CBX5: variants seen among roughly 807,000 people sequenced by gnomAD.
The protein encoded by CBX5 is chromobox 5.
A neutral mutation model predicts 20.7 loss-of-function variants in CBX5; 7 were observed. The ratio of observed to expected loss-of-function variants is 0.34; its 90% confidence interval spans 0.19 to 0.63. The LOEUF (loss-of-function observed/expected upper bound fraction) is 0.63, where lower values mean the gene tolerates loss of function less well. Ranked by LOEUF, CBX5 falls within the 30% of genes least tolerant of loss-of-function variation. CBX5 has a pLI of 0.75. For missense variants in CBX5, 110 were observed against 224.1 expected, an observed-to-expected ratio of 0.49 and a Z score of 3.25; for synonymous variants, 78 against 77.0, an observed-to-expected ratio of 1.01 and a Z score of -0.07.
intron 1 of CBX5, among the ~76,000 whole-genome samples, chr12:54,269,263 AAAAT>A (rs755257707): frequency 3.1e-4 from 47 of 152,158 alleles, no homozygotes; most frequent in Admixed American, 1.9e-3. Context: ...GATCCTTCTC[AAAAT>A]AAATAAATAA....
At chr12:54,243,037 T>C (rs911865812) in intron 4 of CBX5, among the ~76,000 whole-genome samples, 1 of 151,680 alleles carries the variant, frequency 6.6e-6, no homozygotes, top group Non-Finnish European at 1.5e-5. Flanking sequence ...GGTGGGAGGA[T>C]CACTTGGGCT....
At chr12:54,269,313 G>T (rs1476099832) in intron 1 of CBX5, among the ~76,000 whole-genome samples, 1 of 152,138 alleles carries the variant, frequency 6.6e-6, no homozygotes, top group Admixed American at 6.6e-5. Flanking sequence ...CTGTTTTCTG[G>T]AAGAGTTTGT....
In CBX5 at chr12:54,251,242, C is replaced by T. The variant is rs188886551; in HGVS notation, c.324+799G>A. On this transcript the variant is annotated intron_variant, in intron 3 of 4. Coordinates refer to ENST00000209875, the MANE Select transcript of CBX5 (RefSeq NM_012117.3). Reference sequence around the variant, plus strand: ...TTGGGAGGCCAAGGCAGGCGGATCACGAGGTCAGGAGTTCAAGACCAGCCT... The same window carrying T: ...TTGGGAGGCCAAGGCAGGCGGATCATGAGGTCAGGAGTTCAAGACCAGCCT... Among the ~76,000 whole-genome samples the T allele has an allele frequency of 2.3e-3, 343 of 152,160 alleles. 4 individuals carry two copies. Among genetic ancestry groups the T allele is most frequent in the African/African-American group, 8.1e-3 (335 of 41,544 alleles).
chr12:54,249,658 G>T (rs1399092868), intron 3 of CBX5, among the ~76,000 whole-genome samples: 3 of 152,084 alleles, frequency 2.0e-5, no homozygotes, highest in Non-Finnish European at 4.4e-5. Context: ...TAAATAAAAG[G>T]AATGGAAGCT....
chr12:54,257,655 C>G lies in CBX5; in HGVS notation c.-5G>C, dbSNP rs1437951811. 6.2e-7 allele frequency: 1 copy of G among 1,614,184 alleles called. No homozygotes were observed. The highest frequency in any genetic ancestry group is 1.7e-5 in the Admixed American group (1 of 60,026). On this transcript the variant is annotated 5_prime_UTR_variant, in exon 2 of 5. Coordinates refer to ENST00000209875, the MANE Select transcript of CBX5 (RefSeq NM_012117.3). Reference sequence around the variant, plus strand: ...CCGCTTGGTTTTCTTTCCCATGTCGCACACCGTTCCACCTGAAAGACTAAG... The same window carrying G: ...CCGCTTGGTTTTCTTTCCCATGTCGGACACCGTTCCACCTGAAAGACTAAG...
chr12:54,248,067 C>A (rs907764843), intron 3 of CBX5, among the ~76,000 whole-genome samples: 2 of 152,094 alleles, frequency 1.3e-5, no homozygotes, highest in African/African-American at 4.8e-5. Context: ...GTCTCAAACT[C>A]CTAGCCTCAG....
At chr12:54,244,463 C>T (rs1289030748) in intron 4 of CBX5, among the ~76,000 whole-genome samples, 62 of 151,954 alleles carry the variant, frequency 4.1e-4, no homozygotes, top group Non-Finnish European at 1.3e-4. Context: ...TAGGGCTGGG[C>T]GCAGTGGCTC....
chr12:54,247,957 T>C (rs1339830823), intron 3 of CBX5, among the ~76,000 whole-genome samples: 1 of 151,844 alleles, frequency 6.6e-6, no homozygotes, highest in African/African-American at 2.4e-5. Context: ...TCTCCTGCCT[T>C]AGCCTCCTGA....
intron 1 of CBX5, chr12:54,279,139 G>GACC: frequency 6.6e-6 from 1 of 152,286 alleles, no homozygotes; most frequent in Admixed American, 6.5e-5. Flanking sequence ...CTTTTCTGTG[G>GACC]ACCTACAAAC....
chr12:54,249,585 G>A (rs1375744644), intron 3 of CBX5, among the ~76,000 whole-genome samples: 1 of 151,962 alleles, frequency 6.6e-6, no homozygotes, highest in East Asian at 1.9e-4. Context: ...GTAGACTTAC[G>A]CTTTTATGAA....
chr12:54,252,030 A>T lies in CBX5; in HGVS notation c.324+11T>A, dbSNP rs1424817012. The T allele has an allele frequency of 1.3e-6, 2 of 1,545,530 alleles. No homozygotes were observed. Among genetic ancestry groups the T allele is most frequent in the Non-Finnish European group, 1.7e-6 (2 of 1,152,496 alleles). On this transcript the variant is annotated intron_variant, in intron 3 of 4. Coordinates refer to ENST00000209875, the MANE Select transcript of CBX5 (RefSeq NM_012117.3). Reference sequence around the variant, plus strand: ...AGAATAGTTTTTGGGGAAAAGGGAAAGGAAGCTTACCTCTCTCTTTTTTTT... The same window carrying T: ...AGAATAGTTTTTGGGGAAAAGGGAATGGAAGCTTACCTCTCTCTTTTTTTT...
chr12:54,260,241 A>G (rs1426588079), intron 1 of CBX5, among the ~76,000 whole-genome samples: 1 of 151,772 alleles, frequency 6.6e-6, no homozygotes. Context: ...CTGTAATCCC[A>G]GAACTTTGGG....
intron 1 of CBX5, among the ~76,000 whole-genome samples, chr12:54,279,476 A>G (rs1944107110): frequency 6.6e-6 from 1 of 152,128 alleles, no homozygotes; most frequent in East Asian, 1.9e-4. Context: ...CTCACACGCC[A>G]TTACAGGCAC....
intron 3 of CBX5, among the ~76,000 whole-genome samples, chr12:54,250,672 G>A (rs560123749): frequency 5.4e-4 from 80 of 149,384 alleles, no homozygotes; most frequent in Non-Finnish European, 1.0e-3. Context: ...GGGCGCGGTG[G>A]CGGGCGCCTG....
chr12:54,264,427 C>A (rs1215759392), intron 1 of CBX5, among the ~76,000 whole-genome samples: 1 of 152,202 alleles, frequency 6.6e-6, no homozygotes, highest in Non-Finnish European at 1.5e-5. Flanking sequence ...AAAGCAGTCA[C>A]TACTTCTCAA....
intron 2 of CBX5, among the ~76,000 whole-genome samples, chr12:54,252,830 C>A (rs993386470): frequency 8.6e-5 from 13 of 151,778 alleles, no homozygotes; most frequent in African/African-American, 1.2e-4. Context: ...ACTAAAATTA[C>A]AAAAATTAGC....
rs541960253 is a variant in CBX5 at position 54,250,112 on chromosome 12, C to T, written c.324+1929G>A. On this transcript the variant is annotated intron_variant, in intron 3 of 4. Transcript: ENST00000209875. The stretch of plus-strand genomic sequence containing the variant: ...TGGTGCATGTCTGTAATCCCAACTA[C>T]TCTGGAAGGCTGAGGCAGAAGAATC... Among the ~76,000 whole-genome samples the T allele has an allele frequency of 3.9e-5, 6 of 152,178 alleles. No homozygotes were observed. In the South Asian group the frequency reaches 1.0e-3, roughly 26 times the overall value.
chr12:54,243,928 A>G (rs1943705467), intron 4 of CBX5, among the ~76,000 whole-genome samples: 1 of 152,160 alleles, frequency 6.6e-6, no homozygotes, highest in African/African-American at 2.4e-5. Context: ...GAATATGGCA[A>G]TTCTTCAAAT....
chr12:54,258,948 T>G (rs918735539), intron 1 of CBX5, among the ~76,000 whole-genome samples: 2 of 151,914 alleles, frequency 1.3e-5, no homozygotes, highest in South Asian at 4.1e-4. Flanking sequence ...TAGCAAAATT[T>G]TAAAAATTAT....
Sources: allele counts gnomAD v4.1 joint callset (sites outside exome capture counted in the v4.1 genomes callset), GRCh38; gene constraint gnomAD v4.1.1; transcripts MANE v1.5; gene names NCBI Gene and HGNC (gene_info 2026-07-23, HGNC 2026-07-21).